The following FBXO25 variants were observed in gnomAD, a reference collection of about 807,000 sequenced individuals.
FBXO25 encodes F-box only protein 25.
A neutral mutation model predicts 51.9 loss-of-function variants in FBXO25; 45 were observed. That is an observed-to-expected ratio of 0.87 (90% confidence interval 0.68 to 1.11). The LOEUF (loss-of-function observed/expected upper bound fraction) is 1.11. FBXO25 is among the 50% of genes most tolerant of loss of function. FBXO25 has a pLI of 0.00. For missense variants in FBXO25, 507 were observed against 428.5 expected, an observed-to-expected ratio of 1.18 and a Z score of -1.62; for synonymous variants, 199 against 151.0, an observed-to-expected ratio of 1.32 and a Z score of -2.33.
At chr8:431,507 G>A (rs1797819659) in intron 3 of FBXO25, 63 bp downstream of exon 3, 2 of 807,684 alleles carry the variant, frequency 2.5e-6, no homozygotes, top group Non-Finnish European at 3.9e-6. Context: ...AAATTACTCT[G>A]ACAATGCTAT....
intron 9 of FBXO25, chr8:467,853 C>T (rs1439229331): frequency 2.0e-5 from 32 of 1,589,300 alleles, no homozygotes; most frequent in East Asian, 1.6e-4. Flanking sequence ...TTCCAGCTCT[C>T]GCTGACTTGA....
At chr8:441,502 C>G (rs532161121) in intron 5 of FBXO25, among the ~76,000 whole-genome samples, 1 of 152,220 alleles carries the variant, frequency 6.6e-6, no homozygotes, top group African/African-American at 2.4e-5. Flanking sequence ...GCAACAAAAG[C>G]CAAAATTGAC....
intron 4 of FBXO25, among the ~76,000 whole-genome samples, chr8:434,141 T>C (rs1797970645): frequency 6.6e-6 from 1 of 152,190 alleles, no homozygotes; most frequent in Non-Finnish European, 1.5e-5. Flanking sequence ...GAACTAGGAC[T>C]GGGTGCTGGT....
chr8:440,486 G>A (rs1288711714), intron 5 of FBXO25, among the ~76,000 whole-genome samples: 31 of 152,282 alleles, frequency 2.0e-4, no homozygotes, highest in African/African-American at 7.2e-4. Flanking sequence ...TGACAGCCGT[G>A]AAGAGCTTTT....
Position 473,797 on chromosome 8 carries a change from CCT to C in FBXO25, c.*4995_*4996del, listed in dbSNP as rs922032395. On this transcript the variant is annotated 3_prime_UTR_variant, in exon 10 of 10. Transcript: ENST00000350302. ...ACATCTGTGTCAAATAGAAGAGACA[CCT>C]CAACTGTCTCGTTTTTGCATGGAAA... The C allele has an allele frequency of 2.6e-5, 4 of 152,132 alleles. No homozygotes were observed. The highest frequency in any genetic ancestry group is 4.8e-5 in the African/African-American group (2 of 41,438). The allele number at this position is 152,132 out of a possible 1,614,324, so 9.4% of individuals were successfully genotyped here.
chr8:434,540 C>T lies in FBXO25; in HGVS notation c.289-1075C>T, dbSNP rs191134919. ...CACCCGTCAGGGCGATTGGGGTTGGCGCACAGAAGCACATGAGCCTCTGAG... is the reference window on the plus strand; with the variant it reads ...CACCCGTCAGGGCGATTGGGGTTGGTGCACAGAAGCACATGAGCCTCTGAG... On this transcript the variant is annotated intron_variant, in intron 4 of 9. Coordinates refer to ENST00000350302, the MANE Select transcript of FBXO25 (RefSeq NM_183420.2). Among the ~76,000 whole-genome samples, 578 of 152,226 alleles carry T rather than the reference C, an allele frequency of 3.8e-3. 2 individuals are homozygous for T. The highest frequency in any genetic ancestry group is 5.9e-3 in the Non-Finnish European group (404 of 68,014).
intron 8 of FBXO25, among the ~76,000 whole-genome samples, chr8:461,144 G>C (rs1184221208): frequency 1.3e-5 from 2 of 152,192 alleles, no homozygotes; most frequent in East Asian, 3.9e-4. Flanking sequence ...CTCTGCACTG[G>C]TCATTTTCAA....
chr8:476,161 T>C lies in FBXO25; in HGVS notation c.*7357T>C, dbSNP rs1311167501. 6.6e-6 allele frequency: 1 copy of C among 152,174 alleles called. No homozygotes were observed. Among genetic ancestry groups the C allele is most frequent in the Non-Finnish European group, 1.5e-5 (1 of 68,010 alleles). The allele number at this position is 152,174 out of a possible 1,614,324, so 9.4% of individuals were successfully genotyped here. Reference sequence around the variant, plus strand: ...CTTCATTCTATTAATGTAATAGACATTACATTTATTGACTTGAGCATGTTG... The same window carrying C: ...CTTCATTCTATTAATGTAATAGACACTACATTTATTGACTTGAGCATGTTG... On this transcript the variant is annotated 3_prime_UTR_variant, in exon 10 of 10. Transcript: ENST00000350302.
At chr8:440,494 T>C (rs1449613389) in intron 5 of FBXO25, among the ~76,000 whole-genome samples, 1 of 152,174 alleles carries the variant, frequency 6.6e-6, no homozygotes, top group Non-Finnish European at 1.5e-5. Flanking sequence ...GTGAAGAGCT[T>C]TTTCATTACG....
intron 1 of FBXO25, among the ~76,000 whole-genome samples, chr8:408,411 T>G (rs1369704286): frequency 1.3e-5 from 2 of 152,240 alleles, no homozygotes; most frequent in Non-Finnish European, 2.9e-5. Flanking sequence ...AACATAGTGG[T>G]TAGGAGCATG....
intron 2 of FBXO25, among the ~76,000 whole-genome samples, chr8:421,026 T>C (rs1797122314): frequency 6.6e-6 from 1 of 152,226 alleles, no homozygotes; most frequent in Non-Finnish European, 1.5e-5. Flanking sequence ...CCCTAGGCCA[T>C]GGATCGGTAC....
rs1800584833 is a variant in FBXO25, at chr8:474,504, T to C, written c.*5700T>C. 1 of 338,400 alleles carries C rather than the reference T, an allele frequency of 3.0e-6. No homozygotes were observed. Among genetic ancestry groups the C allele is most frequent in the African/African-American group, 2.2e-5 (1 of 45,796 alleles). The allele number at this position is 338,400 out of a possible 1,614,324, so 21.0% of individuals were successfully genotyped here. On this transcript the variant is annotated 3_prime_UTR_variant, in exon 10 of 10. Transcript: ENST00000350302. Reference sequence around the variant, plus strand: ...GTTTTACACGGTGGCTGCACCATTTTACATTCCCACTGAAGGTTCCAGTTT... The same window carrying C: ...GTTTTACACGGTGGCTGCACCATTTCACATTCCCACTGAAGGTTCCAGTTT...
At chr8:426,258 A>G (rs759879681) in intron 2 of FBXO25, among the ~76,000 whole-genome samples, 60 of 152,220 alleles carry the variant, frequency 3.9e-4, no homozygotes, top group East Asian at 1.4e-3. Context: ...GTGTTTGTGT[A>G]TACTCATAAA....
At position 419,464 on chromosome 8, in the gene FBXO25, C is replaced by T. The variant is rs140526133; in HGVS notation, c.134+6251C>T. Among the ~76,000 whole-genome samples, 798 of 152,296 alleles carry T rather than the reference C, an allele frequency of 5.2e-3. 1 individual carries two copies. The highest frequency in any genetic ancestry group is 9.3e-3 in the South Asian group (45 of 4,826). ...CTGGCGAAAAGATAGATACACAGGT[C>T]AGTGGAACACAACAGAGGACCCCAG... On this transcript the variant is annotated intron_variant, in intron 2 of 9. Transcript: ENST00000350302.
At chr8:421,170 G>A (rs2117505831) in intron 2 of FBXO25, among the ~76,000 whole-genome samples, 1 of 152,332 alleles carries the variant, frequency 6.6e-6, no homozygotes, top group Non-Finnish European at 1.5e-5. Flanking sequence ...GAACCCTGTT[G>A]TGAACTGTGT....
chr8:450,679 A>G (rs1799025290), intron 6 of FBXO25: 1 of 152,296 alleles, frequency 6.6e-6, no homozygotes, highest in Admixed American at 6.5e-5. Flanking sequence ...GTTTTAAGAA[A>G]TCTCATATTT....
At chr8:426,432 A>G (rs1797483756) in intron 2 of FBXO25, among the ~76,000 whole-genome samples, 1 of 151,750 alleles carries the variant, frequency 6.6e-6, no homozygotes, top group South Asian at 2.1e-4. Flanking sequence ...ATCATTTCTG[A>G]TTTTACAGAC....
At chr8:412,945 A>T in intron 1 of FBXO25, 128 bp from the exon 2 acceptor site, 1 of 906,500 alleles carries the variant, frequency 1.1e-6, no homozygotes, top group Non-Finnish European at 1.6e-6. Context: ...ATGTCGAGCC[A>T]ACGTTTAATT....
At chr8:459,214 G>C (rs2116796648) in intron 8 of FBXO25, among the ~76,000 whole-genome samples, 1 of 152,366 alleles carries the variant, frequency 6.6e-6, no homozygotes, top group East Asian at 1.9e-4. Flanking sequence ...AGAGAAGGCA[G>C]GTGGCTGGAG....
Sources: allele counts gnomAD v4.1 joint callset (sites outside exome capture counted in the v4.1 genomes callset), GRCh38; gene constraint gnomAD v4.1.1; transcripts MANE v1.5; gene names NCBI Gene and HGNC (gene_info 2026-07-23, HGNC 2026-07-21).